ANKRD24: variants seen among roughly 807,000 people sequenced by gnomAD.
The protein encoded by ANKRD24 is ankyrin repeat domain 24, also known as ankyrin repeat domain-containing protein 24.
A neutral mutation model predicts 127.8 loss-of-function variants in ANKRD24; 109 were observed. That is an observed-to-expected ratio of 0.85 (90% confidence interval 0.73 to 1.00). ANKRD24 has a LOEUF of 1.00. Ranked by LOEUF, ANKRD24 falls within the 50% of genes least tolerant of loss-of-function variation. The pLI is 0.00. For synonymous variants in ANKRD24, 743 were observed against 671.1 expected (o/e 1.11, Z -1.66); for missense variants, 1,648 against 1,570.2 (o/e 1.05, Z -0.84).
intron 2 of ANKRD24, among the ~76,000 whole-genome samples, chr19:4,188,454 A>G (rs1337360888): frequency 1.1e-4 from 16 of 144,894 alleles, no homozygotes; most frequent in Non-Finnish European, 1.5e-5. Context: ...TGCTATCTCA[A>G]CCGACTACAG....
chr19:4,216,467 G>C (rs1970078178), intron 17 of ANKRD24, 65 bp downstream of exon 17: 4 of 1,555,052 alleles, frequency 2.6e-6, no homozygotes, highest in Non-Finnish European at 3.5e-6. Context: ...GTCAGGGTGG[G>C]CAGGGAAGGT....
chr19:4,217,465 C>A lies in ANKRD24; in HGVS notation c.2305C>A (p.Arg769Ser). The A allele has an allele frequency of 5.4e-6, 8 of 1,481,534 alleles. No individual in the cohort carries two copies. Among genetic ancestry groups the A allele is most frequent in the Non-Finnish European group, 7.1e-6 (8 of 1,120,752 alleles). 91.8% of individuals were successfully genotyped at this position (1,481,534 alleles called of 1,614,324 possible). A position where few individuals can be genotyped will look rare whatever the true frequency, so the allele number is the denominator to read the frequency against. ...GGCAGGCCGGCTGCGAGAGCGTGTCCGCGAGGCCGAGGGCAGCGGGGCCAG... is the reference window on the plus strand; with the variant it reads ...GGCAGGCCGGCTGCGAGAGCGTGTCAGCGAGGCCGAGGGCAGCGGGGCCAG... ...AEAGRLRERV[R>S]EAEGSGASGG... is the part of the protein sequence containing the mutation. Residue 769 changes from arginine to serine, a missense_variant, in exon 18 of 22, where the codon CGC (arginine) becomes AGC (serine). Transcript: ENST00000318934.
At chr19:4,215,933 G>T (rs761529480) in intron 15 of ANKRD24, 45 bp from the exon 16 acceptor site, 2 of 1,499,634 alleles carry the variant, frequency 1.3e-6, no homozygotes, top group South Asian at 1.2e-5. Context: ...GACACACGGG[G>T]GCTGAGAGCA....
chr19:4,185,788 G>A (rs1414505795), intron 1 of ANKRD24, among the ~76,000 whole-genome samples: 2 of 152,210 alleles, frequency 1.3e-5, no homozygotes, highest in African/African-American at 4.8e-5. Context: ...GGGAGCCCCT[G>A]ACTGTTGAAA....
chr19:4,198,467 C>G lies in ANKRD24; in HGVS notation c.37-1216C>G, dbSNP rs188809457. 9.7e-6 allele frequency: 6 copies of G among 616,538 alleles called. No homozygotes were observed. Among genetic ancestry groups the G allele is most frequent in the East Asian group, 6.8e-5 (2 of 29,494 alleles). 38.2% of individuals were successfully genotyped at this position (616,538 alleles called of 1,614,324 possible). A position where few individuals can be genotyped will look rare whatever the true frequency, so the allele number is the denominator to read the frequency against. ...CCGCCTCCTCTTGGAACCCCGTGCG[C>G]CCCCCGCGCCCCGCGCCCCGGACGC... On this transcript the variant is annotated intron_variant, in intron 2 of 21. Coordinates refer to ENST00000318934, the MANE Select transcript of ANKRD24 (RefSeq NM_001393985.1). The surrounding 1 kb of genome is among the most constrained non-coding windows in gnomAD (Gnocchi z 6.1).
chr19:4,217,524 G>A lies in ANKRD24; in HGVS notation c.2364G>A (p.Arg788=). 1 of 1,366,324 alleles carries A rather than the reference G, an allele frequency of 7.3e-7. No individual in the cohort carries two copies. The highest frequency in any genetic ancestry group is 9.4e-7 in the Non-Finnish European group (1 of 1,066,380). 84.6% of individuals were successfully genotyped at this position (1,366,324 alleles called of 1,614,324 possible). A position where few individuals can be genotyped will look rare whatever the true frequency, so the allele number is the denominator to read the frequency against. ...GTGGCGGTGACACCACACAGCTGCG[G>A]GCGGCCCTGGAGCAGGCCCGGGAGG... ...GGGGGDTTQL[R]AALEQAREDL... is the part of the protein sequence containing the mutation. Residue 788 remains arginine (R), a synonymous_variant, in exon 18 of 22, where the codon CGG becomes CGA. Transcript: ENST00000318934.
At chr19:4,185,067 G>T (rs1408671690) in intron 1 of ANKRD24, among the ~76,000 whole-genome samples, 1 of 151,042 alleles carries the variant, frequency 6.6e-6, no homozygotes. Context: ...TGGGTGGATG[G>T]GTGGATGGGT....
chr19:4,218,310 T>TA, intron 18 of ANKRD24, 147 bp downstream of exon 18: 1 of 695,210 alleles, frequency 1.4e-6, no homozygotes, highest in Non-Finnish European at 2.0e-6. Flanking sequence ...TTTATTTATT[T>TA]ATTTTTGAGA....
intron 13 of ANKRD24, among the ~76,000 whole-genome samples, chr19:4,211,151 T>G (rs10409192): frequency 0.2 from 30,420 of 152,052 alleles, 3,947 homozygotes; most frequent in African/African-American, 0.36. Context: ...TCCATTTGCA[T>G]CACTTGCTGC....
intron 19 of ANKRD24, among the ~76,000 whole-genome samples, chr19:4,222,408 C>CA (rs1347084144): frequency 1.3e-5 from 2 of 151,964 alleles, no homozygotes; most frequent in African/African-American, 4.8e-5. Flanking sequence ...CAAACAAAAA[C>CA]AAAAAAATGT....
intron 7 of ANKRD24, among the ~76,000 whole-genome samples, chr19:4,203,822 T>C (rs1040920164): frequency 6.6e-6 from 1 of 151,698 alleles, no homozygotes; most frequent in Non-Finnish European, 1.5e-5. Context: ...AAAATTTTTT[T>C]GTATTTTTAG....
chr19:4,218,182 CA>C lies in ANKRD24; in HGVS notation c.3003+20del, dbSNP rs1222234136. On this transcript the variant is annotated intron_variant, in intron 18 of 21. Transcript: ENST00000318934. The stretch of plus-strand genomic sequence containing the variant: ...CTTCCAGGTGAGCAGGGCTGGTCAC[CA>C]CCCGGGCCCCACCCCCATTGGCCAC... 3 of 1,432,144 alleles carry C rather than the reference CA, an allele frequency of 2.1e-6. No individual in the cohort carries two copies. The highest frequency in any genetic ancestry group is 2.8e-6 in the Non-Finnish European group (3 of 1,090,300). The allele number at this position is 1,432,144 out of a possible 1,614,324, so 88.7% of individuals were successfully genotyped here.
chr19:4,202,549 A>C (rs1443071433), intron 6 of ANKRD24, among the ~76,000 whole-genome samples: 2 of 152,000 alleles, frequency 1.3e-5, no homozygotes, highest in African/African-American at 2.4e-5. Flanking sequence ...CAGCCTGGGC[A>C]ACAAGAGCGA....
intron 2 of ANKRD24, among the ~76,000 whole-genome samples, chr19:4,191,867 C>T (rs1370803278): frequency 2.6e-5 from 4 of 151,840 alleles, no homozygotes; most frequent in Admixed American, 1.3e-4. Context: ...CTGCAACCTC[C>T]GCCTCCCGGG....
intron 13 of ANKRD24, among the ~76,000 whole-genome samples, chr19:4,211,976 G>T (rs984401033): frequency 1.3e-5 from 2 of 152,068 alleles, no homozygotes; most frequent in African/African-American, 4.8e-5. Flanking sequence ...TGAGACAGGC[G>T]GATCACGAGG....
rs759541180 is a variant in ANKRD24, at chr19:4,207,864, C to T, written c.728C>T (p.Thr243Ile). ...LLQGGAQPGI[T>I]DALGQDAAHY... Reference sequence around the variant, plus strand: ...CAGGGCGGAGCCCAGCCGGGCATCACCGATGCGCTGGGGCAGGACGCGGCT... The same window carrying T: ...CAGGGCGGAGCCCAGCCGGGCATCATCGATGCGCTGGGGCAGGACGCGGCT... The change falls in exon 10 of 22, where the codon ACC becomes ATC. Residue 243 changes from threonine (T) to isoleucine (I), a missense_variant. Thr to Ile is a moderately conservative substitution (Grantham distance 89, BLOSUM62 -1). Transcript: ENST00000318934. 6.4e-7 allele frequency: 1 copy of T among 1,561,486 alleles called. No individual in the cohort carries two copies. The highest frequency in any genetic ancestry group is 2.1e-5 in the Admixed American group (1 of 48,366).
At position 4,202,293 on chromosome 19, in the gene ANKRD24, C is replaced by T. The variant is rs116266250; in HGVS notation, c.408+203C>T. Among the ~76,000 whole-genome samples, 6,448 of 152,110 alleles carry T rather than the reference C, an allele frequency of 0.042. 367 individuals carry two copies. The highest frequency in any genetic ancestry group is 0.13 in the African/African-American group (5,470 of 41,494). ...ATTTAAGATGTACTCCCAAGCCAGG[C>T]GCGGTGGCTCACGCCTGTAATCCCA... is the stretch of plus-strand genomic sequence containing the variant. On this transcript the variant is annotated intron_variant, in intron 6 of 21. Transcript: ENST00000318934.
intron 20 of ANKRD24, among the ~76,000 whole-genome samples, chr19:4,223,534 A>C (rs1970580073): frequency 6.7e-6 from 1 of 148,412 alleles, no homozygotes; most frequent in African/African-American, 2.5e-5. Context: ...CAGCTTCCTG[A>C]CTAGCTGGGA....
rs1266097707 is a variant in ANKRD24, at chr19:4,202,110, C to T, written c.408+20C>T. 7 of 1,611,430 alleles carry T rather than the reference C, an allele frequency of 4.3e-6. No homozygotes were observed. The Middle Eastern group carries it at 8.3e-4, about 190-fold the overall frequency. On this transcript the variant is annotated intron_variant, in intron 6 of 21. Transcript: ENST00000318934. ...CTGCAGGTCATTTACTGTCTTATCT[C>T]AGCTACTCCCTTGGCCCCTACTACT...
Sources: gnomAD v4.1 joint callset for allele counts (sites outside exome capture counted in the v4.1 genomes callset) on GRCh38, gnomAD v4.1.1 for gene constraint, Gnocchi (gnomAD v3.1) non-coding constraint, MANE v1.5 for transcripts, NCBI Gene and HGNC (gene_info 2026-07-23, HGNC 2026-07-21) for gene names.